Variants in TTLL11 observed in about 807,000 individuals in gnomAD.
TTLL11 encodes tubulin tyrosine ligase like 11, also known as tubulin polyglutamylase TTLL11.
In TTLL11, 42 loss-of-function variants were observed where a neutral mutation model predicts 51.7. That is an observed-to-expected ratio of 0.81 (90% confidence interval 0.64 to 1.05). The LOEUF (loss-of-function observed/expected upper bound fraction) is 1.05. TTLL11 is among the 50% of genes least tolerant of loss of function. The probability of loss-of-function intolerance (pLI) is 0.00; values close to 1 mark genes in which losing one functional copy is unlikely to be tolerated. For missense variants in TTLL11, 799 were observed against 940.4 expected (o/e 0.85, Z 1.97); for synonymous variants, 381 against 383.5 (o/e 0.99, Z 0.08).
chr9:122,037,096 C>G (rs1237250290), intron 2 of TTLL11, among the ~76,000 whole-genome samples: 2 of 152,016 alleles, frequency 1.3e-5, no homozygotes, highest in Non-Finnish European at 2.9e-5. Context: ...AGATCTATAG[C>G]TACTTCTTTC....
intron 3 of TTLL11, among the ~76,000 whole-genome samples, chr9:122,000,210 G>A (rs113645804): frequency 0.039 from 5,947 of 152,154 alleles, 119 homozygotes; most frequent in African/African-American, 0.059. Flanking sequence ...AGTGGCTCAC[G>A]CCTGTAATCC....
chr9:122,040,442 T>C, intron 1 of TTLL11: 2 of 983,336 alleles, frequency 2.0e-6, no homozygotes, highest in Non-Finnish European at 2.4e-6. Context: ...AGCTCTGCAT[T>C]TAATGAACAT....
intron 7 of TTLL11, among the ~76,000 whole-genome samples, chr9:121,868,398 C>G (rs138547207): frequency 6.6e-6 from 1 of 152,162 alleles, no homozygotes; most frequent in Non-Finnish European, 1.5e-5. Context: ...CAGCTTCCTA[C>G]GCAGATGGTG....
chr9:121,950,320 C>T (rs1301405347), intron 6 of TTLL11, among the ~76,000 whole-genome samples: 1 of 152,140 alleles, frequency 6.6e-6, no homozygotes, highest in East Asian at 1.9e-4. Context: ...CACAGCACAG[C>T]CCCTCTCCCT....
chr9:121,933,282 G>A (rs1002385579), intron 6 of TTLL11, among the ~76,000 whole-genome samples: 5 of 152,152 alleles, frequency 3.3e-5, no homozygotes, highest in African/African-American at 1.2e-4. Context: ...ACGCTCTCCC[G>A]GGCTGTGACG....
At chr9:122,056,970 T>C (rs1237595312) in intron 1 of TTLL11, among the ~76,000 whole-genome samples, 1 of 152,168 alleles carries the variant, frequency 6.6e-6, no homozygotes, top group African/African-American at 2.4e-5. Flanking sequence ...AAGAAGGGCA[T>C]GTGTCTGCTT....
intron 8 of TTLL11, among the ~76,000 whole-genome samples, chr9:121,836,119 C>A (rs1362921670): frequency 1.3e-5 from 2 of 152,146 alleles, no homozygotes; most frequent in African/African-American, 4.8e-5. Flanking sequence ...AGAACAAAAT[C>A]TGGATGGTAG....
At chr9:122,052,605 T>A (rs980455340) in intron 1 of TTLL11, among the ~76,000 whole-genome samples, 1 of 152,220 alleles carries the variant, frequency 6.6e-6, no homozygotes, top group Admixed American at 6.5e-5. Context: ...CTCATACTTA[T>A]TGACTGATAA....
At chr9:122,041,458 C>T in intron 1 of TTLL11, among the ~76,000 whole-genome samples, 1 of 152,078 alleles carries the variant, frequency 6.6e-6, no homozygotes, top group East Asian at 1.9e-4. Flanking sequence ...TAGAAGGTGT[C>T]CACATTAGAA....
intron 6 of TTLL11, among the ~76,000 whole-genome samples, chr9:121,956,696 A>T (rs1420579200): frequency 6.6e-6 from 1 of 152,232 alleles, no homozygotes. Flanking sequence ...GGTGGCAGGC[A>T]AGTAGTTCTC....
chr9:121,826,387 G>GTA (rs199645560), intron 8 of TTLL11, among the ~76,000 whole-genome samples: 2,710 of 124,490 alleles, frequency 0.022, 163 homozygotes, highest in African/African-American at 0.08. Context: ...GTGTGTGGGT[G>GTA]TATATATATA....
At chr9:121,947,949 A>C (rs10739602) in intron 6 of TTLL11, among the ~76,000 whole-genome samples, 67,612 of 152,134 alleles carry the variant, frequency 0.44, 15,204 homozygotes, top group East Asian at 0.61. Flanking sequence ...GGAGGATGGA[A>C]GGAGATTGTA....
Position 121,851,564 on chromosome 9 carries a change from C to T in TTLL11, c.1840+8773G>A, listed in dbSNP as rs925829568. Among the ~76,000 whole-genome samples the T allele has an allele frequency of 2.0e-5, 3 of 152,312 alleles. 1 individual carries two copies. In the South Asian group the frequency reaches 6.2e-4, roughly 32 times the overall value. On this transcript the variant is annotated intron_variant, in intron 8 of 8. Coordinates refer to ENST00000321582, the MANE Select transcript of TTLL11 (RefSeq NM_001139442.2). ...GCTTGATAAATGTAGCTGGTGTTGGCGTCAATCACCGGCAGTTGCATTAGG... is the reference window on the plus strand; with the variant it reads ...GCTTGATAAATGTAGCTGGTGTTGGTGTCAATCACCGGCAGTTGCATTAGG...
At chr9:121,935,495 T>A (rs13295355) in intron 6 of TTLL11, among the ~76,000 whole-genome samples, 39,521 of 151,802 alleles carry the variant, frequency 0.26, 5,647 homozygotes, top group African/African-American at 0.39. Context: ...GCATTTAAAA[T>A]TTTTAAAAAA....
chr9:121,887,466 C>T (rs899660230), intron 6 of TTLL11, among the ~76,000 whole-genome samples: 2 of 152,228 alleles, frequency 1.3e-5, no homozygotes, highest in African/African-American at 2.4e-5. Flanking sequence ...CTCTTCCCCA[C>T]GTTAATCGAC....
intron 1 of TTLL11, among the ~76,000 whole-genome samples, chr9:122,048,448 T>C (rs767471323): frequency 2.0e-5 from 3 of 152,226 alleles, no homozygotes; most frequent in Admixed American, 1.3e-4. Flanking sequence ...ATTATAGATG[T>C]GAGGCACTGA....
At chr9:121,864,516 G>A (rs1268724384) in intron 7 of TTLL11, among the ~76,000 whole-genome samples, 1 of 152,142 alleles carries the variant, frequency 6.6e-6, no homozygotes, top group Admixed American at 6.5e-5. Flanking sequence ...GTTTTGCTGC[G>A]TAACCTTGTG....
chr9:121,834,805 C>T lies in TTLL11; in HGVS notation c.1841-11926G>A, dbSNP rs557789251. 6.0e-5 allele frequency among the ~76,000 whole-genome samples: 9 copies of T among 149,480 alleles called. No individual in the cohort carries two copies. The South Asian group carries it at 1.5e-3, about 25-fold the overall frequency. ...TTGTGCCACTGCACTCCAGCCTGGGCGACAGAGTGAGACTCTGTCTCAGGA... is the reference window on the plus strand; with the variant it reads ...TTGTGCCACTGCACTCCAGCCTGGGTGACAGAGTGAGACTCTGTCTCAGGA... On this transcript the variant is annotated intron_variant, in intron 8 of 8. Coordinates refer to ENST00000321582, the MANE Select transcript of TTLL11 (RefSeq NM_001139442.2).
At chr9:121,866,179 A>C (rs191231973) in intron 7 of TTLL11, among the ~76,000 whole-genome samples, 12 of 152,350 alleles carry the variant, frequency 7.9e-5, no homozygotes, top group Admixed American at 5.2e-4. Context: ...TGGCATTAAT[A>C]TTATTAATTC....
Sources: gnomAD v4.1 joint callset for allele counts (sites outside exome capture counted in the v4.1 genomes callset) on GRCh38, gnomAD v4.1.1 for gene constraint, MANE v1.5 for transcripts, NCBI Gene and HGNC (gene_info 2026-07-23, HGNC 2026-07-21) for gene names.